Variants in RYR1 observed in about 807,000 individuals in gnomAD.
RYR1 encodes central core disease of muscle.
A neutral mutation model predicts 583.5 loss-of-function variants in RYR1; 342 were observed. The observed-to-expected ratio is 0.59, with a 90% CI of 0.54 to 0.64. The LOEUF is 0.64. RYR1 is among the 30% of genes least tolerant of loss of function. The pLI is 0.00. For missense variants in RYR1, 6,032 were observed against 6,917.2 expected, an observed-to-expected ratio of 0.87 and a Z score of 4.54; for synonymous variants, 2,791 against 2,822.5, an observed-to-expected ratio of 0.99 and a Z score of 0.35.
At chr19:38,490,505 T>G in intron 36 of RYR1, 116 bp from the exon 37 acceptor site, 1 of 820,658 alleles carries the variant, frequency 1.2e-6, no homozygotes, top group Non-Finnish European at 2.1e-6. Context: ...CTTCATTAAC[T>G]CACACTTCGA....
intron 30 of RYR1, 21 bp downstream of exon 30, chr19:38,477,891 TG>T: frequency 1.9e-6 from 1 of 528,638 alleles, no homozygotes; most frequent in Non-Finnish European, 3.1e-6. Context: ...TGGGGGGAGG[TG>T]GGAGGTGCAG....
chr19:38,549,092 G>A (rs1972553315), intron 89 of RYR1, among the ~76,000 whole-genome samples: 1 of 152,054 alleles, frequency 6.6e-6, no homozygotes, highest in Non-Finnish European at 1.5e-5. Flanking sequence ...GTGCTTTCAT[G>A]GGTTTATAGT....
chr19:38,582,710 C>T (rs781262981), intron 101 of RYR1, among the ~76,000 whole-genome samples: 15 of 152,126 alleles, frequency 9.9e-5, no homozygotes, highest in Admixed American at 2.0e-4. Context: ...TTTATATTTT[C>T]TCTTCTATTC....
At chr19:38,518,962 G>A (rs572151566) in intron 66 of RYR1, among the ~76,000 whole-genome samples, 189 of 151,968 alleles carry the variant, frequency 1.2e-3, no homozygotes, top group Non-Finnish European at 1.8e-3. Context: ...CAGGTGAGGC[G>A]TCTGTTGTTG....
chr19:38,480,470 C>T (rs887722499), intron 31 of RYR1, among the ~76,000 whole-genome samples: 1 of 152,114 alleles, frequency 6.6e-6, no homozygotes, highest in African/African-American at 2.4e-5. Context: ...ATCTACTTCC[C>T]TTCCACACCC....
intron 102 of RYR1, 146 bp downstream of exon 102, chr19:38,585,245 C>T: frequency 1.0e-6 from 1 of 955,964 alleles, no homozygotes; most frequent in South Asian, 1.4e-5. Flanking sequence ...CCTCTCGGGG[C>T]CTCCGTTTCT....
In RYR1 at chr19:38,489,460, T is replaced by C. The variant is rs1365961070; in HGVS notation, c.5814+17T>C. 6.2e-7 allele frequency: 1 copy of C among 1,613,862 alleles called. No individual in the cohort carries two copies. Among genetic ancestry groups the C allele is most frequent in the South Asian group, 1.1e-5 (1 of 91,064 alleles). Reference sequence around the variant, plus strand: ...AAGTTACAGGTGGGCTGCTGCTTCCTGCTTTTCGGCCTCTGTCCATCTGGG... The same window carrying C: ...AAGTTACAGGTGGGCTGCTGCTTCCCGCTTTTCGGCCTCTGTCCATCTGGG... On this transcript the variant is annotated intron_variant, in intron 35 of 105. Transcript: ENST00000359596.
At chr19:38,506,728 T>C (rs1970470021) in intron 56 of RYR1, 101 bp from the exon 57 acceptor site, 1 of 1,575,524 alleles carries the variant, frequency 6.3e-7, no homozygotes, top group Non-Finnish European at 8.7e-7. Flanking sequence ...CGTATCTTCT[T>C]TATCACCATA....
intron 64 of RYR1, 118 bp from the exon 65 acceptor site, chr19:38,515,969 T>C (rs1600884464): frequency 1.6e-6 from 2 of 1,260,586 alleles, no homozygotes; most frequent in East Asian, 5.1e-5. Flanking sequence ...CACACATGGA[T>C]GAATGGCAGC....
chr19:38,553,778 T>C (rs1568567879), intron 89 of RYR1, among the ~76,000 whole-genome samples: 1 of 152,272 alleles, frequency 6.6e-6, no homozygotes, highest in Non-Finnish European at 1.5e-5. Flanking sequence ...TTTTGTATCC[T>C]TCCATCATTT....
chr19:38,498,044 G>T (rs912172297), intron 42 of RYR1, among the ~76,000 whole-genome samples: 17 of 152,282 alleles, frequency 1.1e-4, no homozygotes, highest in African/African-American at 3.1e-4. Flanking sequence ...AAGGTGACAG[G>T]TCAGGTGGTC....
intron 5 of RYR1, 59 bp downstream of exon 5, chr19:38,443,855 T>C: frequency 6.6e-7 from 1 of 1,511,400 alleles, no homozygotes; most frequent in Non-Finnish European, 9.2e-7. Flanking sequence ...ATTCAGGGGG[T>C]AGAAGGTCTG....
In RYR1 at chr19:38,463,759, A is replaced by G; in HGVS notation, c.2695A>G (p.Asn899Asp). ...GWTYGPVRDD[N>D]KRLHPCLVDF... ...GGGTTTTCTCCAGGTTCGGGATGAC[A>G]ACAAGAGGCTGCACCCGTGTCTTGT... is the stretch of plus-strand genomic sequence containing the variant. The change falls in exon 22 of 106, where the codon AAC becomes GAC. Residue 899 changes from asparagine (N) to aspartate (D), a missense_variant. Transcript: ENST00000359596. 10 of 1,614,130 alleles carry G rather than the reference A, an allele frequency of 6.2e-6. No individual in the cohort carries two copies. The highest frequency in any genetic ancestry group is 1.3e-5 in the African/African-American group (1 of 75,026).
At chr19:38,575,791 A>G in intron 96 of RYR1, 128 bp from the exon 97 acceptor site, 2 of 968,998 alleles carry the variant, frequency 2.1e-6, no homozygotes, top group Admixed American at 1.9e-5. Flanking sequence ...CAACAGAGTG[A>G]GACTCCATCT....
chr19:38,583,453 G>A (rs1415429904), intron 101 of RYR1, among the ~76,000 whole-genome samples: 1 of 148,756 alleles, frequency 6.7e-6, no homozygotes, highest in Non-Finnish European at 1.5e-5. Context: ...ACTCCAGCCT[G>A]GGCAACAGAG....
chr19:38,561,326 G>A lies in RYR1; in HGVS notation c.12496G>A (p.Ala4166Thr), dbSNP rs779407147. ...DPRLHNFLELAESILEYFRPY... is the reference protein window; with the variant it reads ...DPRLHNFLELTESILEYFRPY... Reference sequence around the variant, plus strand: ...TCGCCTGCACAACTTCCTGGAGCTGGCCGAGAGCATCCTTGAGTACTTCCG... The same window carrying A: ...TCGCCTGCACAACTTCCTGGAGCTGACCGAGAGCATCCTTGAGTACTTCCG... Residue 4166 changes from alanine (A) to threonine (T), a missense_variant, in exon 90 of 106, where the codon GCC (alanine) becomes ACC (threonine). Coordinates refer to ENST00000359596, the MANE Select transcript of RYR1 (RefSeq NM_000540.3). The surrounding 1 kb of genome is among the most constrained non-coding windows in gnomAD (Gnocchi z 4.8). 2.5e-6 allele frequency: 4 copies of A among 1,613,862 alleles called. No homozygotes were observed. In the African/African-American group the frequency reaches 5.3e-5, roughly 22 times the overall value.
Position 38,459,157 on chromosome 19 carries a change from C to T in RYR1, c.2179C>T (p.Arg727Cys), listed in dbSNP as rs781271902. The T allele has an allele frequency of 8.1e-6, 13 of 1,613,222 alleles. No individual in the cohort carries two copies. The highest frequency in any genetic ancestry group is 4.0e-5 in the African/African-American group (3 of 74,890). Residue 727 changes from arginine (R) to cysteine (C), a missense_variant, in exon 19 of 106, where the codon CGC becomes TGC. This residue lies in a region of RYR1 where 2,627 missense variants were observed against 2,961.3 expected (regional missense o/e 0.89). Transcript: ENST00000359596. ...GGTGACTGATGCAGGACACGTGGCACGCCCAGTGACTTCCCCAGGGCAGCA... is the reference window on the plus strand; with the variant it reads ...GGTGACTGATGCAGGACACGTGGCATGCCCAGTGACTTCCCCAGGGCAGCA... ...GLHLWTGHVA[R>C]PVTSPGQHLL...
chr19:38,463,375 G>A, intron 20 of RYR1, 48 bp from the exon 21 acceptor site: 1 of 1,516,750 alleles, frequency 6.6e-7, no homozygotes, highest in Non-Finnish European at 9.1e-7. Context: ...TCATGATGGA[G>A]GAGGGTAGAG....
At chr19:38,493,881 C>T (rs1370921549) in intron 38 of RYR1, among the ~76,000 whole-genome samples, 6 of 152,180 alleles carry the variant, frequency 3.9e-5, no homozygotes, top group Non-Finnish European at 7.4e-5. Flanking sequence ...AGGTGCATGG[C>T]GAAGTGCTTC....
Sources: gnomAD v4.1 joint callset for allele counts (sites outside exome capture counted in the v4.1 genomes callset) on GRCh38, gnomAD v4.1.1 for gene constraint, gnomAD v4.1.1 regional missense constraint, Gnocchi (gnomAD v3.1) non-coding constraint, MANE v1.5 for transcripts, NCBI Gene and HGNC (gene_info 2026-07-23, HGNC 2026-07-21) for gene names.